Variants in TMEM117 observed in about 807,000 individuals in gnomAD.
TMEM117 encodes the protein transmembrane protein 117.
A neutral mutation model predicts 52.4 loss-of-function variants in TMEM117; 27 were observed. The ratio of observed to expected loss-of-function variants is 0.51; its 90% CI spans 0.38 to 0.71. The LOEUF is 0.71. Among genes scored for constraint, TMEM117 ranks in the 30% least tolerant of loss-of-function variants. The pLI is 0.00. For synonymous variants in TMEM117, 215 were observed against 206.3 expected (o/e 1.04, Z -0.36); for missense variants, 556 against 630.5 (o/e 0.88, Z 1.26).
chr12:43,920,773 A>T (rs1420576603), intron 2 of TMEM117, among the ~76,000 whole-genome samples: 1 of 152,102 alleles, frequency 6.6e-6, no homozygotes, highest in Non-Finnish European at 1.5e-5. Flanking sequence ...ATCCTTTAAA[A>T]TGTGGATTAC....
intron 3 of TMEM117, among the ~76,000 whole-genome samples, chr12:44,121,397 A>C (rs1217361686): frequency 1.3e-5 from 2 of 152,184 alleles, no homozygotes; most frequent in East Asian, 1.9e-4. Flanking sequence ...GCCACCCCTG[A>C]TACTGCAATG....
intron 5 of TMEM117, among the ~76,000 whole-genome samples, chr12:44,273,026 G>A (rs1565659735): frequency 6.6e-6 from 1 of 152,154 alleles, no homozygotes; most frequent in African/African-American, 2.4e-5. Flanking sequence ...ATACACCATG[G>A]AATACTATGC....
intron 5 of TMEM117, among the ~76,000 whole-genome samples, chr12:44,278,313 A>T (rs1400200400): frequency 1.3e-5 from 2 of 152,188 alleles, no homozygotes; most frequent in Non-Finnish European, 2.9e-5. Flanking sequence ...ACTAAAAAGT[A>T]CTAGTATCTG....
chr12:44,199,190 T>C (rs943111710), intron 4 of TMEM117, among the ~76,000 whole-genome samples: 1 of 152,120 alleles, frequency 6.6e-6, no homozygotes, highest in African/African-American at 2.4e-5. Context: ...CTCATTCTGA[T>C]GTTGGCTTTG....
intron 4 of TMEM117, among the ~76,000 whole-genome samples, chr12:44,170,828 A>G (rs1226778847): frequency 1.3e-5 from 2 of 152,188 alleles, no homozygotes; most frequent in Non-Finnish European, 2.9e-5. Context: ...GTACCCTTCA[A>G]CAAGTTTCCC....
At chr12:43,906,501 C>G (rs1482400940) in intron 2 of TMEM117, among the ~76,000 whole-genome samples, 2 of 150,832 alleles carry the variant, frequency 1.3e-5, no homozygotes, top group Admixed American at 6.6e-5. Flanking sequence ...GCCAAGATGG[C>G]CGAATAGGAA....
intron 5 of TMEM117, among the ~76,000 whole-genome samples, chr12:44,221,768 G>A (rs1449992957): frequency 7.9e-5 from 12 of 151,362 alleles, no homozygotes; most frequent in African/African-American, 2.2e-4. Flanking sequence ...GCATGATCGC[G>A]GCTCACTGCA....
At chr12:43,823,521 A>T in the TMEM117 span, among the ~76,000 whole-genome samples, 6 of 151,816 alleles carry the variant, frequency 4.0e-5, no homozygotes, top group Admixed American at 6.6e-5. Context: ...TTATTTATTT[A>T]TTTTTTTGAG....
intron 3 of TMEM117, among the ~76,000 whole-genome samples, chr12:44,126,113 G>C (rs1369153605): frequency 5.3e-5 from 8 of 151,636 alleles, no homozygotes; most frequent in Admixed American, 5.3e-4. Flanking sequence ...CTTTGCATTT[G>C]CTGAGGAATG....
intron 4 of TMEM117, among the ~76,000 whole-genome samples, chr12:44,165,695 A>T (rs1948957187): frequency 6.6e-6 from 1 of 152,198 alleles, no homozygotes; most frequent in South Asian, 2.1e-4. Flanking sequence ...TTACATATGC[A>T]CCTAACACTG....
At chr12:44,157,584 AT>A (rs1201853988) in intron 4 of TMEM117, among the ~76,000 whole-genome samples, 1 of 152,172 alleles carries the variant, frequency 6.6e-6, no homozygotes, top group Admixed American at 6.6e-5. Flanking sequence ...TTTTAAAAAA[AT>A]AATGAGGTCG....
At chr12:44,102,679 T>TG (rs2138079082) in intron 3 of TMEM117, among the ~76,000 whole-genome samples, 1 of 152,112 alleles carries the variant, frequency 6.6e-6, no homozygotes, top group Non-Finnish European at 1.5e-5. Flanking sequence ...TCTACCTATT[T>TG]TTTTGGTCTT....
chr12:43,821,653 T>C, the TMEM117 span, among the ~76,000 whole-genome samples: 5 of 152,152 alleles, frequency 3.3e-5, no homozygotes, highest in Non-Finnish European at 5.9e-5. Context: ...TTTATGAAAA[T>C]GCATTGAGGC....
chr12:44,124,977 A>T (rs187669929), intron 3 of TMEM117, among the ~76,000 whole-genome samples: 2 of 152,268 alleles, frequency 1.3e-5, no homozygotes, highest in East Asian at 1.9e-4. Context: ...CAGTTTTAGT[A>T]GGAATGGTAC....
intron 3 of TMEM117, among the ~76,000 whole-genome samples, chr12:44,122,276 C>A (rs781344522): frequency 4.6e-5 from 7 of 152,022 alleles, no homozygotes; most frequent in Non-Finnish European, 7.4e-5. Context: ...AATCTCCTGA[C>A]CTCGTGATCT....
At chr12:44,091,439 G>C (rs1451422204) in intron 3 of TMEM117, among the ~76,000 whole-genome samples, 1 of 152,176 alleles carries the variant, frequency 6.6e-6, no homozygotes, top group African/African-American at 2.4e-5. Context: ...AAGTACCATA[G>C]GTTGGGCTCC....
At chr12:43,810,801 G>T in the TMEM117 span, among the ~76,000 whole-genome samples, 1 of 152,194 alleles carries the variant, frequency 6.6e-6, no homozygotes, top group South Asian at 2.1e-4. Context: ...TTCACTAAGC[G>T]CTGCTCCATA....
At position 44,168,706 on chromosome 12, in the gene TMEM117, C is replaced by T. The variant is rs565649835; in HGVS notation, c.510+25082C>T. Among the ~76,000 whole-genome samples the T allele has an allele frequency of 5.9e-5, 9 of 152,154 alleles. No individual in the cohort carries two copies. The East Asian group carries it at 9.6e-4, about 16-fold the overall frequency. ...AATATATTTTTTTATTGTGATAAAA[C>T]GTACATAACATAAAATTTACCATTT... On this transcript the variant is annotated intron_variant, in intron 4 of 7. Transcript: ENST00000266534.
chr12:44,378,210 A>G (rs1951969480), intron 7 of TMEM117, among the ~76,000 whole-genome samples: 1 of 152,166 alleles, frequency 6.6e-6, no homozygotes, highest in Admixed American at 6.5e-5. Flanking sequence ...TGTCAAAAAT[A>G]TCCTGCTTAA....
Sources: gnomAD v4.1 joint callset for allele counts (sites outside exome capture counted in the v4.1 genomes callset) on GRCh38, gnomAD v4.1.1 for gene constraint, MANE v1.5 for transcripts, NCBI Gene and HGNC (gene_info 2026-07-23, HGNC 2026-07-21) for gene names.